The following RFX2 variants were observed in gnomAD, a reference collection of about 807,000 sequenced individuals.
RFX2 encodes DNA-binding protein RFX2.
Under a neutral mutation model 87.8 loss-of-function variants are expected in RFX2, and 20 were observed. The ratio of observed to expected loss-of-function variants is 0.23; its 90% confidence interval spans 0.16 to 0.33. RFX2 has a LOEUF of 0.33. RFX2 is among the 10% of genes least tolerant of loss of function. The pLI, the probability that RFX2 is intolerant of heterozygous loss-of-function variation, is 1.00. For synonymous variants in RFX2, 397 were observed against 431.3 expected (o/e 0.92, Z 0.98); for missense variants, 767 against 1,012.3 (o/e 0.76, Z 3.29).
At chr19:6,006,757 A>C (rs952602315) in intron 12 of RFX2, among the ~76,000 whole-genome samples, 2 of 145,068 alleles carry the variant, frequency 1.4e-5, no homozygotes, top group African/African-American at 5.4e-5. Context: ...GCCCCAGATA[A>C]ATTTTTTTTT....
At chr19:6,009,147 G>A (rs2086627874) in intron 9 of RFX2, among the ~76,000 whole-genome samples, 1 of 152,182 alleles carries the variant, frequency 6.6e-6, no homozygotes, top group South Asian at 2.1e-4. Context: ...TCGGGGAGAA[G>A]GCCAGCCACG....
chr19:6,035,154 T>A (rs2144752370), intron 5 of RFX2, among the ~76,000 whole-genome samples: 1 of 152,300 alleles, frequency 6.6e-6, no homozygotes, highest in Non-Finnish European at 1.5e-5. Flanking sequence ...CTTTTTGTCT[T>A]CGTCAGGGCC....
In RFX2 at chr19:6,024,241, G is replaced by C. The variant is rs1344609049; in HGVS notation, c.597+1922C>G. Among the ~76,000 whole-genome samples the C allele has an allele frequency of 6.6e-6, 1 of 152,198 alleles. No individual in the cohort carries two copies. The highest frequency in any genetic ancestry group is 1.9e-4 in the East Asian group (1 of 5,194). The stretch of plus-strand genomic sequence containing the variant: ...AAGATGGCCTGATCCTTGCTGAATG[G>C]GGAATGGTATTCTGCACATTTTCCC... On this transcript the variant is annotated intron_variant, in intron 6 of 17. Transcript: ENST00000303657. This position sits in a 1 kb window ranked among gnomAD's most constrained non-coding sequence, Gnocchi z 5.0.
chr19:6,082,415 G>A (rs1009617278), intron 1 of RFX2, among the ~76,000 whole-genome samples: 18 of 152,010 alleles, frequency 1.2e-4, no homozygotes, highest in African/African-American at 4.1e-4. Context: ...CTGAATTGAT[G>A]TCTATCAGGG....
At position 6,011,528 on chromosome 19, in the gene RFX2, C is replaced by T. The variant is rs2086659832; in HGVS notation, c.900-1277G>A. On this transcript the variant is annotated intron_variant, in intron 8 of 17. Coordinates refer to ENST00000303657, the MANE Select transcript of RFX2 (RefSeq NM_000635.4). This position sits in a 1 kb window ranked among gnomAD's most constrained non-coding sequence, Gnocchi z 4.8. The stretch of plus-strand genomic sequence containing the variant: ...GGCTGTGGCTTCCAAATGCAAATGG[C>T]ATCAGCCTGTCCCCCTGAAATGTGT... Among the ~76,000 whole-genome samples, 1 of 152,224 alleles carries T rather than the reference C, an allele frequency of 6.6e-6. No homozygotes were observed. Among genetic ancestry groups the T allele is most frequent in the African/African-American group, 2.4e-5 (1 of 41,460 alleles).
intron 7 of RFX2, 106 bp downstream of exon 7, chr19:6,015,984 G>T: frequency 8.8e-7 from 1 of 1,139,806 alleles, no homozygotes. Flanking sequence ...AGGTGGCTGC[G>T]AATCAGGCCA....
rs1461862067 is a variant in RFX2 at position 6,011,376 on chromosome 19, A to T, written c.900-1125T>A. 6.6e-6 allele frequency among the ~76,000 whole-genome samples: 1 copy of T among 152,118 alleles called. No homozygotes were observed. The highest frequency in any genetic ancestry group is 1.5e-5 in the Non-Finnish European group (1 of 68,018). On this transcript the variant is annotated intron_variant, in intron 8 of 17. Coordinates refer to ENST00000303657, the MANE Select transcript of RFX2 (RefSeq NM_000635.4). This position sits in a 1 kb window ranked among gnomAD's most constrained non-coding sequence, Gnocchi z 4.8. ...AGCCGGCTTGAGCTGGAGCATCTCC[A>T]GCGGACCTCCCTCCTCAAATACGAA...
At chr19:6,077,528 A>G (rs532420105) in intron 1 of RFX2, among the ~76,000 whole-genome samples, 1 of 152,318 alleles carries the variant, frequency 6.6e-6, no homozygotes, top group South Asian at 2.1e-4. Context: ...GCTAGCTATA[A>G]GTGGGGTCTT....
rs1334504572 is a variant in RFX2 at position 6,091,958 on chromosome 19, G to A, written c.-9+18435C>T. Among the ~76,000 whole-genome samples the A allele has an allele frequency of 2.0e-5, 3 of 152,198 alleles. No homozygotes were observed. The East Asian group carries it at 5.8e-4, about 29-fold the overall frequency. ...AGACTTTCTGGGCCAAGCCCTCAGT[G>A]AACATTAACCCTGGAGAATAAAGGA... On this transcript the variant is annotated intron_variant, in intron 1 of 17. Coordinates refer to ENST00000303657, the MANE Select transcript of RFX2 (RefSeq NM_000635.4).
rs1210235445 is a variant in RFX2 at position 6,056,912 on chromosome 19, C to G, written c.-8-9408G>C. The stretch of plus-strand genomic sequence containing the variant: ...AACACGACCTGTCACCCAGCCTGGC[C>G]CTGCCTGGCCAACGGGCTTGGCTGG... On this transcript the variant is annotated intron_variant, in intron 1 of 17. Coordinates refer to ENST00000303657, the MANE Select transcript of RFX2 (RefSeq NM_000635.4). This position sits in a 1 kb window ranked among gnomAD's most constrained non-coding sequence, Gnocchi z 4.6. 1.3e-5 allele frequency among the ~76,000 whole-genome samples: 2 copies of G among 152,192 alleles called. No individual in the cohort carries two copies. Among genetic ancestry groups the G allele is most frequent in the African/African-American group, 4.8e-5 (2 of 41,446 alleles).
Position 6,013,171 on chromosome 19 carries a change from A to G in RFX2, c.780-66T>C. The G allele has an allele frequency of 7.0e-7, 1 of 1,421,000 alleles. No homozygotes were observed. The highest frequency in any genetic ancestry group is 1.5e-5 in the South Asian group (1 of 67,986). 88.0% of individuals were successfully genotyped at this position (1,421,000 alleles called of 1,614,324 possible). The stretch of plus-strand genomic sequence containing the variant: ...GTCCTGAACAACAAGACAGGTTGGG[A>G]TTCTTTTTCTTTCTTTCTTCTTTTT... On this transcript the variant is annotated intron_variant, in intron 7 of 17. Transcript: ENST00000303657. This position sits in a 1 kb window ranked among gnomAD's most constrained non-coding sequence, Gnocchi z 4.1.
chr19:6,062,331 G>A (rs942409214), intron 1 of RFX2, among the ~76,000 whole-genome samples: 1 of 152,178 alleles, frequency 6.6e-6, no homozygotes, highest in African/African-American at 2.4e-5. Flanking sequence ...GACTGACTCT[G>A]AGGAAGCCGT....
In RFX2 at chr19:6,075,272, T is replaced by TGGAGGAGGAGGAGGA. The variant is rs763598849; in HGVS notation, c.-8-27783_-8-27769dup. 1.3e-3 allele frequency among the ~76,000 whole-genome samples: 199 copies of TGGAGGAGGAGGAGGA among 149,284 alleles called. 1 individual carries two copies. The highest frequency in any genetic ancestry group is 4.8e-3 in the African/African-American group (195 of 40,512). On this transcript the variant is annotated intron_variant, in intron 1 of 17. Transcript: ENST00000303657. ...GAGGAGAAAGAAGAGGAGGAGAAGGTGGAGGAGGAGGAGGAGGAGGAGGAG... is the reference window on the plus strand; with the variant it reads ...GAGGAGAAAGAAGAGGAGGAGAAGGTGGAGGAGGAGGAGGAGGAGGAGGAGGAGGAGGAGGAGGAG...
Position 6,013,157 on chromosome 19 carries a change from C to G in RFX2, c.780-52G>C, listed in dbSNP as rs780592022. ...CTCCCTTTGCAGATGTCCTGAACAA[C>G]AAGACAGGTTGGGATTCTTTTTCTT... On this transcript the variant is annotated intron_variant, in intron 7 of 17. Coordinates refer to ENST00000303657, the MANE Select transcript of RFX2 (RefSeq NM_000635.4). The surrounding 1 kb of genome is among the most constrained non-coding windows in gnomAD (Gnocchi z 4.1). 1 of 1,511,248 alleles carries G rather than the reference C, an allele frequency of 6.6e-7. No homozygotes were observed. The highest frequency in any genetic ancestry group is 8.9e-7 in the Non-Finnish European group (1 of 1,128,294). 93.6% of individuals were successfully genotyped at this position (1,511,248 alleles called of 1,614,324 possible). A position where few individuals can be genotyped will look rare whatever the true frequency, so the allele number is the denominator to read the frequency against.
Position 6,026,314 on chromosome 19 carries a change from C to A in RFX2, c.523-77G>T. ...AAGGAAATCAGATGGTTAGCATCAG[C>A]CAAGATTTGTTTTTATTAATATCCA... On this transcript the variant is annotated intron_variant, in intron 5 of 17. Transcript: ENST00000303657. The surrounding 1 kb of genome is among the most constrained non-coding windows in gnomAD (Gnocchi z 4.5). 1.6e-6 allele frequency: 2 copies of A among 1,261,080 alleles called. No homozygotes were observed. The highest frequency in any genetic ancestry group is 2.5e-5 in the South Asian group (2 of 78,790). The allele number at this position is 1,261,080 out of a possible 1,614,324, so 78.1% of individuals were successfully genotyped here.
At chr19:6,054,310 T>C in intron 1 of RFX2, among the ~76,000 whole-genome samples, 1 of 152,130 alleles carries the variant, frequency 6.6e-6, no homozygotes, top group Non-Finnish European at 1.5e-5. Context: ...TGGTGAATGC[T>C]ATCAAATACT....
intron 1 of RFX2, among the ~76,000 whole-genome samples, chr19:6,103,915 CTAA>C (rs1159011594): frequency 3.3e-5 from 5 of 151,960 alleles, no homozygotes; most frequent in Non-Finnish European, 7.4e-5. Context: ...TTGCTTCATC[CTAA>C]TAATAATAAT....
intron 5 of RFX2, among the ~76,000 whole-genome samples, chr19:6,035,848 GGGGTGTGTGTGT>G (rs1393733607): frequency 4.7e-5 from 4 of 85,380 alleles, no homozygotes; most frequent in South Asian, 3.0e-4. Flanking sequence ...AGCTTGGTGG[GGGGTGTGTGTGT>G]GTGTGTGTGT....
At position 6,022,781 on chromosome 19, in the gene RFX2, G is replaced by A. The variant is rs2144726887; in HGVS notation, c.597+3382C>T. ...CAGCTGGCTGGAAGGTTCTTCCAAT[G>A]TGCAGACCTCCAGGCCCTGCAGACC... is the stretch of plus-strand genomic sequence containing the variant. On this transcript the variant is annotated intron_variant, in intron 6 of 17. Coordinates refer to ENST00000303657, the MANE Select transcript of RFX2 (RefSeq NM_000635.4). This position sits in a 1 kb window ranked among gnomAD's most constrained non-coding sequence, Gnocchi z 6.2. Among the ~76,000 whole-genome samples, 1 of 152,354 alleles carries A rather than the reference G, an allele frequency of 6.6e-6. No homozygotes were observed.
Sources: allele counts gnomAD v4.1 joint callset (sites outside exome capture counted in the v4.1 genomes callset), GRCh38; gene constraint gnomAD v4.1.1; non-coding constraint Gnocchi (gnomAD v3.1); transcripts MANE v1.5; gene names NCBI Gene and HGNC (gene_info 2026-07-23, HGNC 2026-07-21).